The following BICRAL variants were observed in gnomAD, a reference collection of about 807,000 sequenced individuals.
BICRAL encodes the protein BICRA like chromatin remodeling complex associated protein, also known as BRD4-interacting chromatin-remodeling complex-associated protein-like.
BICRAL carries 8 observed loss-of-function variants against 91.8 expected under a neutral mutation model. The observed-to-expected ratio is 0.09, with a 90% CI of 0.05 to 0.16. The LOEUF is 0.16. BICRAL is among the 10% of genes least tolerant of loss of function. BICRAL has a pLI of 1.00. For missense variants in BICRAL, 1,038 were observed against 1,310.9 expected, an observed-to-expected ratio of 0.79 and a Z score of 3.21; for synonymous variants, 445 against 491.1, an observed-to-expected ratio of 0.91 and a Z score of 1.24.
intron 6 of BICRAL, among the ~76,000 whole-genome samples, chr6:42,839,734 G>A (rs1241412387): frequency 6.6e-6 from 1 of 151,984 alleles, no homozygotes; most frequent in Non-Finnish European, 1.5e-5. Context: ...GTAATTTATT[G>A]TGTTCCTCAT....
chr6:42,777,505 TA>T (rs1562455613), upstream of BICRAL, among the ~76,000 whole-genome samples: 1 of 152,288 alleles, frequency 6.6e-6, no homozygotes, highest in South Asian at 2.1e-4. Flanking sequence ...ACCGATAATT[TA>T]AAAAAATTTG....
chr6:42,817,985 A>AG (rs1554279131), intron 2 of BICRAL, among the ~76,000 whole-genome samples: 1 of 151,532 alleles, frequency 6.6e-6, no homozygotes, highest in Admixed American at 6.6e-5. Context: ...AAAAAAAAAA[A>AG]AGTGAGTAAA....
At chr6:42,825,259 C>CAA (rs398001338) in intron 5 of BICRAL, among the ~76,000 whole-genome samples, 4,651 of 52,652 alleles carry the variant, frequency 0.088, 216 homozygotes, top group African/African-American at 0.15. Flanking sequence ...GACTCTGTCT[C>CAA]AAAAAAAAAA....
At position 42,866,672 on chromosome 6, in the gene BICRAL, A is replaced by G. The variant is rs976714864; in HGVS notation, c.*1226A>G. On this transcript the variant is annotated 3_prime_UTR_variant, in exon 13 of 13. Transcript: ENST00000314073. ...GAAAGATCTGAGACATGGGATTCCCATTTGAGAGCCAAAGGATATGCCCTG... is the reference window on the plus strand; with the variant it reads ...GAAAGATCTGAGACATGGGATTCCCGTTTGAGAGCCAAAGGATATGCCCTG... The G allele has an allele frequency of 2.4e-5, 9 of 373,034 alleles. No homozygotes were observed. The highest frequency in any genetic ancestry group is 3.7e-5 in the Non-Finnish European group (7 of 187,502). 23.1% of individuals were successfully genotyped at this position (373,034 alleles called of 1,614,324 possible). A position where few individuals can be genotyped will look rare whatever the true frequency, so the allele number is the denominator to read the frequency against.
chr6:42,863,798 C>T (rs1187748771), intron 12 of BICRAL, among the ~76,000 whole-genome samples: 3 of 152,228 alleles, frequency 2.0e-5, no homozygotes, highest in East Asian at 1.9e-4. Flanking sequence ...GAGGCCAAGG[C>T]GGGTGGATCA....
chr6:42,747,864 T>C (rs1762307855), intron 1 of BICRAL, among the ~76,000 whole-genome samples: 2 of 147,144 alleles, frequency 1.4e-5, no homozygotes, highest in Admixed American at 7.0e-5. Flanking sequence ...TGGAGTGCAA[T>C]GGCGCGATCT....
At chr6:42,858,464 G>A (rs561609593) in intron 10 of BICRAL, among the ~76,000 whole-genome samples, 77 of 146,870 alleles carry the variant, frequency 5.2e-4, no homozygotes, top group Non-Finnish European at 8.8e-4. Flanking sequence ...TGCAGTGAGC[G>A]GACATCGCAC....
chr6:42,794,377 T>C (rs915330462), intron 1 of BICRAL, among the ~76,000 whole-genome samples: 2 of 151,684 alleles, frequency 1.3e-5, no homozygotes, highest in African/African-American at 4.8e-5. Context: ...TTCTGTTACA[T>C]AAAATACTTA....
At chr6:42,760,294 G>T (rs1481154740) in intron 1 of BICRAL, among the ~76,000 whole-genome samples, 1 of 151,124 alleles carries the variant, frequency 6.6e-6, no homozygotes. Context: ...CGAGGCACGC[G>T]GATCACCTGA....
chr6:42,827,964 C>T (rs895481799), intron 5 of BICRAL, among the ~76,000 whole-genome samples: 8 of 152,060 alleles, frequency 5.3e-5, no homozygotes, highest in Non-Finnish European at 7.4e-5. Context: ...TCAGTATGTT[C>T]GCATTATCTG....
chr6:42,795,030 CAA>C (rs1562465477), intron 1 of BICRAL, among the ~76,000 whole-genome samples: 1 of 151,768 alleles, frequency 6.6e-6, no homozygotes, highest in African/African-American at 2.4e-5. Context: ...CCAATACTCA[CAA>C]AGAGAATTAC....
chr6:42,850,209 A>G (rs1273650873), intron 6 of BICRAL, among the ~76,000 whole-genome samples: 1 of 152,058 alleles, frequency 6.6e-6, no homozygotes, highest in Non-Finnish European at 1.5e-5. Context: ...CTAAATCCAT[A>G]GATAGTATAA....
chr6:42,836,139 C>G (rs1034015998), intron 6 of BICRAL, among the ~76,000 whole-genome samples: 1 of 152,098 alleles, frequency 6.6e-6, no homozygotes. Flanking sequence ...ACCTGCAACA[C>G]GCCATAGACG....
At chr6:42,801,164 A>C (rs1159696204) in intron 1 of BICRAL, among the ~76,000 whole-genome samples, 1 of 150,642 alleles carries the variant, frequency 6.6e-6, no homozygotes, top group Non-Finnish European at 1.5e-5. Flanking sequence ...AAACAGGGGA[A>C]TTGCTAGAAC....
chr6:42,783,881 CTT>C (rs1763019162), intron 1 of BICRAL, among the ~76,000 whole-genome samples: 1 of 152,182 alleles, frequency 6.6e-6, no homozygotes, highest in Non-Finnish European at 1.5e-5. Context: ...ACGTCTTTGT[CTT>C]CTCTGGCCCG....
chr6:42,846,267 CT>C (rs1765007131), intron 6 of BICRAL, among the ~76,000 whole-genome samples: 1 of 151,906 alleles, frequency 6.6e-6, no homozygotes, highest in Non-Finnish European at 1.5e-5. Flanking sequence ...ACTCAGGAGG[CT>C]GAGGCAAGAG....
chr6:42,770,015 C>G (rs560533618), intron 1 of BICRAL, among the ~76,000 whole-genome samples: 1 of 152,212 alleles, frequency 6.6e-6, no homozygotes, highest in South Asian at 2.1e-4. Context: ...AAAGCAGCGG[C>G]CTACGGATCA....
chr6:42,758,279 T>C (rs1279025739), intron 1 of BICRAL, among the ~76,000 whole-genome samples: 1 of 152,158 alleles, frequency 6.6e-6, no homozygotes, highest in East Asian at 1.9e-4. Context: ...TGCAAGCCGA[T>C]TGTGTCACTT....
chr6:42,849,657 T>G (rs1343593247), intron 6 of BICRAL, among the ~76,000 whole-genome samples: 1 of 151,886 alleles, frequency 6.6e-6, no homozygotes, highest in Non-Finnish European at 1.5e-5. Context: ...GCCAGGATTG[T>G]CTCTGTCTCC....
Sources: allele counts gnomAD v4.1 joint callset (sites outside exome capture counted in the v4.1 genomes callset), GRCh38; gene constraint gnomAD v4.1.1; transcripts MANE v1.5; gene names NCBI Gene and HGNC (gene_info 2026-07-23, HGNC 2026-07-21).